C3orf20: variants seen among roughly 807,000 people sequenced by gnomAD.
C3orf20 encodes the protein uncharacterized protein C3orf20.
In C3orf20, 76 loss-of-function variants were observed where a neutral mutation model predicts 88.3. The ratio of observed to expected loss-of-function variants is 0.86; its 90% confidence interval spans 0.72 to 1.04. The LOEUF is 1.04. Ranked by LOEUF, C3orf20 falls within the 50% of genes least tolerant of loss-of-function variation. The pLI is 0.00. For missense variants in C3orf20, 1,056 were observed against 1,123.3 expected (o/e 0.94, Z 0.86); for synonymous variants, 436 against 437.4 (o/e 1.00, Z 0.04).
chr3:14,683,569 G>T (rs1472358934), intron 3 of C3orf20, among the ~76,000 whole-genome samples: 2 of 151,956 alleles, frequency 1.3e-5, no homozygotes, highest in African/African-American at 4.8e-5. Flanking sequence ...GCCAGAACAA[G>T]GGGGAGTCAT....
Position 14,689,679 on chromosome 3 carries a change from TG to T in C3orf20, c.626-316del, listed in dbSNP as rs571878966. On this transcript the variant is annotated intron_variant, in intron 4 of 16. Transcript: ENST00000253697. The stretch of plus-strand genomic sequence containing the variant: ...TGGCCCAAGGCTTATCCTCTTGACC[TG>T]GTGCAGCACTGATACCTGCCTTTGC... Among the ~76,000 whole-genome samples, 525 of 152,310 alleles carry T rather than the reference TG, an allele frequency of 3.4e-3. 4 individuals carry two copies. Among genetic ancestry groups the T allele is most frequent in the African/African-American group, 0.012 (502 of 41,536 alleles).
intron 7 of C3orf20, among the ~76,000 whole-genome samples, chr3:14,705,928 TG>T (rs2033483702): frequency 6.6e-6 from 1 of 152,218 alleles, no homozygotes; most frequent in African/African-American, 2.4e-5. Context: ...TAGGGTCCTT[TG>T]TTGGGTACCA....
At position 14,729,876 on chromosome 3, in the gene C3orf20, T is replaced by C. The variant is rs544909363; in HGVS notation, c.1940+1188T>C. On this transcript the variant is annotated intron_variant, in intron 12 of 16. Transcript: ENST00000253697. ...TTATCTCTTTTTAACTTTAAATAAGTATTAAAATATTTTTCATGCTTTAAC... is the reference window on the plus strand; with the variant it reads ...TTATCTCTTTTTAACTTTAAATAAGCATTAAAATATTTTTCATGCTTTAAC... Among the ~76,000 whole-genome samples the C allele has an allele frequency of 2.6e-5, 4 of 152,250 alleles. No homozygotes were observed. In the South Asian group the frequency reaches 8.3e-4, roughly 32 times the overall value.
intron 6 of C3orf20, among the ~76,000 whole-genome samples, chr3:14,704,130 C>T (rs1278389586): frequency 6.6e-6 from 1 of 152,160 alleles, no homozygotes; most frequent in Non-Finnish European, 1.5e-5. Context: ...GGAAATCAGG[C>T]AAGGGCTATT....
chr3:14,761,462 C>A lies in C3orf20; in HGVS notation c.2353-11C>A, dbSNP rs1381881678. The A allele has an allele frequency of 1.2e-6, 2 of 1,613,934 alleles. No individual in the cohort carries two copies. The highest frequency in any genetic ancestry group is 2.7e-5 in the African/African-American group (2 of 74,918). On this transcript the variant is annotated splice_polypyrimidine_tract_variant and intron_variant, in intron 14 of 16. Transcript: ENST00000253697. ...GCTGAGGATCTCTCCTCATTTCCTT[C>A]CTGTCAACAGATGTTTGCCGGGGGG...
At chr3:14,714,398 AC>A (rs900818930) in intron 8 of C3orf20, among the ~76,000 whole-genome samples, 1 of 152,054 alleles carries the variant, frequency 6.6e-6, no homozygotes, top group African/African-American at 2.4e-5. Context: ...CCCAAGTCCT[AC>A]TCCACTTGGT....
chr3:14,752,845 C>A (rs1003124457), intron 12 of C3orf20, among the ~76,000 whole-genome samples: 1 of 152,164 alleles, frequency 6.6e-6, no homozygotes, highest in African/African-American at 2.4e-5. Context: ...ACGACAGATG[C>A]TGGAGAGGAT....
chr3:14,752,635 T>G (rs1015224462), intron 12 of C3orf20, among the ~76,000 whole-genome samples: 13 of 151,798 alleles, frequency 8.6e-5, no homozygotes, highest in Non-Finnish European at 4.4e-5. Context: ...TTAAACAAAT[T>G]TACAAGAAAA....
intron 14 of C3orf20, 81 bp downstream of exon 14, chr3:14,760,079 G>A: frequency 6.9e-6 from 7 of 1,021,378 alleles, no homozygotes; most frequent in Non-Finnish European, 1.1e-5. Context: ...ACACATGTGG[G>A]AGGAGGAGGA....
At position 14,727,029 on chromosome 3, in the gene C3orf20, G is replaced by C; in HGVS notation, c.1690+5G>C. 1 of 1,614,108 alleles carries C rather than the reference G, an allele frequency of 6.2e-7. No homozygotes were observed. The highest frequency in any genetic ancestry group is 8.5e-7 in the Non-Finnish European group (1 of 1,179,998). On this transcript the variant is annotated splice_donor_5th_base_variant and intron_variant, in intron 11 of 16. Coordinates refer to ENST00000253697, the MANE Select transcript of C3orf20 (RefSeq NM_032137.5). ...ATTCTATCTTGCTGGCCGCAGGTAA[G>C]GAGGCTGAAAGGTGGGCGAAGGCCT...
chr3:14,704,053 C>A (rs985594674), intron 6 of C3orf20, among the ~76,000 whole-genome samples: 1 of 152,106 alleles, frequency 6.6e-6, no homozygotes, highest in African/African-American at 2.4e-5. Flanking sequence ...TCTTCAAACC[C>A]CCAGGACCCA....
At chr3:14,677,270 G>A (rs1427968605) in intron 1 of C3orf20, among the ~76,000 whole-genome samples, 1 of 152,124 alleles carries the variant, frequency 6.6e-6, no homozygotes, top group East Asian at 1.9e-4. Flanking sequence ...CTGAATCAGT[G>A]CCAGTAAAGG....
chr3:14,741,392 A>C (rs2034894055), intron 12 of C3orf20, among the ~76,000 whole-genome samples: 1 of 152,102 alleles, frequency 6.6e-6, no homozygotes, highest in Admixed American at 6.5e-5. Flanking sequence ...CAAAATCAAC[A>C]CTTGCCTTGA....
chr3:14,723,289 T>A (rs1360379441), intron 10 of C3orf20, among the ~76,000 whole-genome samples: 1 of 152,216 alleles, frequency 6.6e-6, no homozygotes, highest in African/African-American at 2.4e-5. Context: ...GGACATAGGG[T>A]GTGGGCATTT....
In C3orf20 at chr3:14,772,230, G is replaced by GGC. The variant is rs1297514503; in HGVS notation, c.2630+31_2630+32dup. 1 of 1,613,942 alleles carries GGC rather than the reference G, an allele frequency of 6.2e-7. No individual in the cohort carries two copies. Among genetic ancestry groups the GGC allele is most frequent in the Non-Finnish European group, 8.5e-7 (1 of 1,179,976 alleles). Reference sequence around the variant, plus strand: ...GGTGACCACATCAGCTGCCAGAATGGGCGTGGCTCACAGCAGGCCACCTCG... The same window carrying GGC: ...GGTGACCACATCAGCTGCCAGAATGGGCGCGTGGCTCACAGCAGGCCACCTCG... On this transcript the variant is annotated intron_variant, in intron 16 of 16. Coordinates refer to ENST00000253697, the MANE Select transcript of C3orf20 (RefSeq NM_032137.5). This position sits in a 1 kb window ranked among gnomAD's most constrained non-coding sequence, Gnocchi z 4.2.
intron 12 of C3orf20, among the ~76,000 whole-genome samples, chr3:14,738,164 CTTTTTTTTTT>C (rs35948176): frequency 4.9e-4 from 53 of 107,348 alleles, no homozygotes; most frequent in Non-Finnish European, 1.8e-4. Context: ...ACAAATATTC[CTTTTTTTTTT>C]TTTTTTTTTT....
At chr3:14,711,088 G>T (rs1400790832) in intron 7 of C3orf20, among the ~76,000 whole-genome samples, 4 of 151,998 alleles carry the variant, frequency 2.6e-5, no homozygotes, top group African/African-American at 9.7e-5. Context: ...GTGGAGATGG[G>T]GTTTCACCAT....
rs570490417 is a variant in C3orf20, at chr3:14,761,832, C to T, written c.2495+217C>T. Among the ~76,000 whole-genome samples the T allele has an allele frequency of 1.0e-3, 158 of 152,034 alleles. 2 individuals are homozygous for T. Among genetic ancestry groups the T allele is most frequent in the South Asian group, 2.9e-3 (14 of 4,812 alleles). ...CAGGTGGGCAGGGGAGAGATGGGAGCAGGTGCAGAGTGGGAGGGGGTGTGT... is the reference window on the plus strand; with the variant it reads ...CAGGTGGGCAGGGGAGAGATGGGAGTAGGTGCAGAGTGGGAGGGGGTGTGT... On this transcript the variant is annotated intron_variant, in intron 15 of 16. Transcript: ENST00000253697.
chr3:14,755,924 G>A lies in C3orf20; in HGVS notation c.1941-1447G>A, dbSNP rs369804062. 5.6e-4 allele frequency among the ~76,000 whole-genome samples: 85 copies of A among 151,326 alleles called. 1 individual carries two copies. In the East Asian group the frequency reaches 0.015, roughly 26 times the overall value. ...GGCGCCTGTAGTCCCAGCTACTCAGGAGGCTGAGGCAGGAGAATGGCGTGA... is the reference window on the plus strand; with the variant it reads ...GGCGCCTGTAGTCCCAGCTACTCAGAAGGCTGAGGCAGGAGAATGGCGTGA... On this transcript the variant is annotated intron_variant, in intron 12 of 16. Transcript: ENST00000253697.
Sources: gnomAD v4.1 joint callset for allele counts (sites outside exome capture counted in the v4.1 genomes callset) on GRCh38, gnomAD v4.1.1 for gene constraint, Gnocchi (gnomAD v3.1) non-coding constraint, MANE v1.5 for transcripts, NCBI Gene and HGNC (gene_info 2026-07-23, HGNC 2026-07-21) for gene names.